Variants in ATP9B observed in about 807,000 individuals in gnomAD.
ATP9B encodes the protein ATPase phospholipid transporting 9B.
In ATP9B, 110 loss-of-function variants were observed where a neutral mutation model predicts 146.1. The observed-to-expected ratio is 0.75, with a 90% CI of 0.65 to 0.88. The LOEUF (loss-of-function observed/expected upper bound fraction) is 0.88, where lower values mean the gene tolerates loss of function less well. ATP9B is among the 40% of genes least tolerant of loss of function. The pLI is 0.00. For missense variants in ATP9B, 1,499 were observed against 1,496.4 expected (o/e 1.00, Z -0.03); for synonymous variants, 604 against 569.7 (o/e 1.06, Z -0.86).
chr18:79,243,636 A>G (rs920230429), intron 11 of ATP9B, among the ~76,000 whole-genome samples: 6 of 152,244 alleles, frequency 3.9e-5, no homozygotes, highest in African/African-American at 1.2e-4. Context: ...TATGTAGGTT[A>G]TCAAGGTGGT....
chr18:79,281,206 G>C (rs2096372772), intron 13 of ATP9B, among the ~76,000 whole-genome samples: 1 of 152,156 alleles, frequency 6.6e-6, no homozygotes, highest in Admixed American at 6.5e-5. Flanking sequence ...TAAAAAGTAA[G>C]AAAAGGTGGG....
At chr18:79,370,999 T>C (rs1427390760) in intron 26 of ATP9B, among the ~76,000 whole-genome samples, 2 of 152,184 alleles carry the variant, frequency 1.3e-5, no homozygotes, top group East Asian at 3.8e-4. Context: ...GGGAGAGAAA[T>C]GTCCTTGGGA....
At chr18:79,344,657 G>A (rs533595245) in intron 21 of ATP9B, among the ~76,000 whole-genome samples, 62 of 152,376 alleles carry the variant, frequency 4.1e-4, no homozygotes, top group African/African-American at 1.5e-3. Flanking sequence ...CCAGCCTGAG[G>A]AGATGTCAGA....
chr18:79,078,519 G>A (rs1296165772), intron 1 of ATP9B, among the ~76,000 whole-genome samples: 1 of 152,068 alleles, frequency 6.6e-6, no homozygotes, highest in Admixed American at 6.5e-5. Context: ...AGAACTGGAA[G>A]GAAGGAGCAG....
intron 13 of ATP9B, among the ~76,000 whole-genome samples, chr18:79,295,884 A>G (rs1479115310): frequency 6.6e-6 from 1 of 152,196 alleles, no homozygotes; most frequent in Non-Finnish European, 1.5e-5. Flanking sequence ...TCAGACACCA[A>G]ATCTCCTGGT....
chr18:79,356,915 T>A (rs11872333), intron 25 of ATP9B, among the ~76,000 whole-genome samples: 1 of 12,452 alleles, frequency 8.0e-5, no homozygotes, highest in Non-Finnish European at 1.5e-4. Flanking sequence ...GTGAGGGGTG[T>A]CCTGGGTCTG....
At chr18:79,184,489 C>T (rs1462679247) in intron 8 of ATP9B, among the ~76,000 whole-genome samples, 3 of 151,922 alleles carry the variant, frequency 2.0e-5, no homozygotes, top group Admixed American at 6.6e-5. Context: ...CCAGGGTTTT[C>T]GACTTGCTTT....
chr18:79,190,734 C>T (rs1238670898), intron 8 of ATP9B, among the ~76,000 whole-genome samples: 3 of 151,970 alleles, frequency 2.0e-5, no homozygotes, highest in Non-Finnish European at 2.9e-5. Context: ...TTAGTAGAGA[C>T]GGAGTTTCTC....
chr18:79,319,735 G>A (rs1407338443), intron 15 of ATP9B, among the ~76,000 whole-genome samples: 3 of 152,122 alleles, frequency 2.0e-5, no homozygotes, highest in African/African-American at 4.8e-5. Context: ...CTAGTTCCTC[G>A]GGATTAAACT....
At chr18:79,074,554 A>C (rs1251145316) in intron 1 of ATP9B, among the ~76,000 whole-genome samples, 2 of 152,232 alleles carry the variant, frequency 1.3e-5, no homozygotes, top group Non-Finnish European at 1.5e-5. Context: ...AGTCTCGGGC[A>C]TGAGGGGCAC....
At chr18:79,079,361 G>T (rs2072997166) in intron 1 of ATP9B, among the ~76,000 whole-genome samples, 1 of 152,126 alleles carries the variant, frequency 6.6e-6, no homozygotes. Flanking sequence ...ATTCTAACTG[G>T]CGTGAGATGG....
chr18:79,188,004 A>G (rs928997786), intron 8 of ATP9B, among the ~76,000 whole-genome samples: 3 of 152,178 alleles, frequency 2.0e-5, no homozygotes, highest in Admixed American at 1.3e-4. Flanking sequence ...CTGGCAGGCA[A>G]GAGTCCTGTG....
chr18:79,071,148 G>T (rs2071716464), intron 1 of ATP9B, among the ~76,000 whole-genome samples: 1 of 146,510 alleles, frequency 6.8e-6, no homozygotes, highest in African/African-American at 2.5e-5. Flanking sequence ...TTTTTACAGT[G>T]CTTGCTCTGG....
intron 15 of ATP9B, among the ~76,000 whole-genome samples, chr18:79,321,501 G>GC (rs539354715): frequency 1.3e-4 from 20 of 151,924 alleles, no homozygotes; most frequent in Admixed American, 4.6e-4. Context: ...TCCTGCCTCA[G>GC]CCCCCCAAAT....
At chr18:79,275,435 C>T (rs1292217679) in intron 12 of ATP9B, among the ~76,000 whole-genome samples, 2 of 152,260 alleles carry the variant, frequency 1.3e-5, no homozygotes, top group Admixed American at 6.5e-5. Flanking sequence ...CCCACTCACC[C>T]TAAACTCATG....
intron 9 of ATP9B, among the ~76,000 whole-genome samples, chr18:79,196,525 C>G (rs184867272): frequency 1.3e-5 from 2 of 152,252 alleles, no homozygotes; most frequent in Admixed American, 1.3e-4. Context: ...CAGTCAGAGA[C>G]TATTGAAAGC....
At chr18:79,227,098 G>A (rs1309737254) in intron 11 of ATP9B, among the ~76,000 whole-genome samples, 1 of 152,070 alleles carries the variant, frequency 6.6e-6, no homozygotes, top group Non-Finnish European at 1.5e-5. Flanking sequence ...TTCCTTGATT[G>A]ACCTTTACAT....
intron 7 of ATP9B, among the ~76,000 whole-genome samples, chr18:79,161,770 C>T (rs928092802): frequency 5.9e-5 from 9 of 152,076 alleles, no homozygotes; most frequent in Admixed American, 3.9e-4. Flanking sequence ...GGCGTGAACC[C>T]GGGAGGCGGA....
chr18:79,092,415 CAT>C lies in ATP9B; in HGVS notation c.120-4059_120-4058del, dbSNP rs548060839. ...GAACATAGTAAAATACAGTATAAAA[CAT>C]AAAAAATCATACAGGACACAAATTT... On this transcript the variant is annotated intron_variant, in intron 1 of 29. Transcript: ENST00000426216. 1.4e-3 allele frequency among the ~76,000 whole-genome samples: 216 copies of C among 152,090 alleles called. 1 individual carries two copies. The highest frequency in any genetic ancestry group is 3.9e-3 in the Admixed American group (60 of 15,260).
Sources: allele counts gnomAD v4.1 joint callset (sites outside exome capture counted in the v4.1 genomes callset), GRCh38; gene constraint gnomAD v4.1.1; transcripts MANE v1.5; gene names NCBI Gene and HGNC (gene_info 2026-07-23, HGNC 2026-07-21).